Variants in USP47 observed in about 807,000 individuals in gnomAD.
USP47 encodes the protein ubiquitin specific peptidase 47.
USP47 carries 35 observed loss-of-function variants against 165.1 expected under a neutral mutation model. The ratio of observed to expected loss-of-function variants is 0.21; its 90% CI spans 0.16 to 0.28. USP47 has a LOEUF of 0.28. Among genes scored for constraint, USP47 ranks in the 10% least tolerant of loss-of-function variants. USP47 has a pLI of 1.00. For synonymous variants in USP47, 531 were observed against 544.5 expected (o/e 0.98, Z 0.35); for missense variants, 1,277 against 1,607.4 (o/e 0.79, Z 3.52).
At chr11:11,891,345 A>G (rs540263721) in intron 3 of USP47, among the ~76,000 whole-genome samples, 4 of 152,316 alleles carry the variant, frequency 2.6e-5, no homozygotes, top group African/African-American at 7.2e-5. Flanking sequence ...CTGTCTGGAT[A>G]CTAGACAGTA....
Position 11,942,573 on chromosome 11 carries a change from C to G in USP47, c.2552C>G (p.Ala851Gly). The G allele has an allele frequency of 6.2e-7, 1 of 1,613,448 alleles. No homozygotes were observed. The highest frequency in any genetic ancestry group is 1.3e-5 in the African/African-American group (1 of 74,972). ...GTAGGAAGCCTAAAGTCTGTGGAAG[C>G]TATTCTAGAAGAAAGCACTGAAAAA... The part of the protein sequence containing the change: ...GPVGSLKSVE[A>G]ILEESTEKLK... The change falls in exon 20 of 28, where the codon GCT becomes GGT. Residue 851 changes from alanine (A) to glycine (G), a missense_variant. By Grantham distance (60) the Ala-to-Gly change is moderately conservative. Coordinates refer to ENST00000527733, the MANE Select transcript of USP47 (RefSeq NM_001282659.2).
chr11:11,948,722 A>T (rs1856017533), intron 22 of USP47, 164 bp downstream of exon 22: 2 of 580,998 alleles, frequency 3.4e-6, no homozygotes, highest in Non-Finnish European at 6.2e-6. Flanking sequence ...GCAGTTACTC[A>T]CTTCTGCTAT....
intron 1 of USP47, among the ~76,000 whole-genome samples, chr11:11,846,743 ACTT>A (rs555935449): frequency 5.4e-4 from 82 of 152,266 alleles, no homozygotes; most frequent in African/African-American, 1.9e-3. Context: ...CTATTGTCTG[ACTT>A]CTTATAAAAT....
chr11:11,886,514 T>C (rs1385643674), intron 3 of USP47, among the ~76,000 whole-genome samples: 1 of 151,946 alleles, frequency 6.6e-6, no homozygotes, highest in South Asian at 2.1e-4. Flanking sequence ...ACTGTCTTTC[T>C]GAAATAAGAC....
rs1233967842 is a variant in USP47, at chr11:11,961,349, G to A, written c.*5174G>A. Reference sequence around the variant, plus strand: ...TGGGAAGATTATTCTGGATTATCTAGGTGGGCGCAATTTGATCACATGGGT... The same window carrying A: ...TGGGAAGATTATTCTGGATTATCTAAGTGGGCGCAATTTGATCACATGGGT... On this transcript the variant is annotated 3_prime_UTR_variant, in exon 28 of 28. Transcript: ENST00000527733. Among the ~76,000 whole-genome samples, 1 of 152,196 alleles carries A rather than the reference G, an allele frequency of 6.6e-6. No homozygotes were observed. The highest frequency in any genetic ancestry group is 1.5e-5 in the Non-Finnish European group (1 of 68,046).
chr11:11,923,448 A>G (rs952850252), intron 11 of USP47, among the ~76,000 whole-genome samples: 3 of 152,074 alleles, frequency 2.0e-5, no homozygotes, highest in Non-Finnish European at 4.4e-5. Context: ...GAAAAATGGT[A>G]TAGTTCTATG....
Position 11,897,649 on chromosome 11 carries a change from G to C in USP47, c.549G>C (p.Leu183Phe). ...TGACTTGCTATTTGAATAGCCTTTT[G>C]CAAACACTTTTTATGACTCCTGAAT... The part of the protein sequence containing the change: ...QAMTCYLNSL[L>F]QTLFMTPEFR... Residue 183 changes from leucine to phenylalanine, a missense_variant, in exon 5 of 28, where the codon TTG becomes TTC. Physicochemically the swap from Leu to Phe is conservative, Grantham distance 22. This residue lies in a region of USP47 where 12 missense variants were observed against 48.8 expected (regional missense o/e 0.25). Transcript: ENST00000527733. The C allele has an allele frequency of 5.6e-6, 9 of 1,611,252 alleles. No individual in the cohort carries two copies. Among genetic ancestry groups the C allele is most frequent in the Non-Finnish European group, 7.6e-6 (9 of 1,178,450 alleles).
chr11:11,880,460 G>A, intron 2 of USP47, 80 bp downstream of exon 2: 1 of 1,118,264 alleles, frequency 8.9e-7, no homozygotes, highest in South Asian at 4.0e-5. Context: ...GTTAAATCCT[G>A]GAACTCTTAA....
intron 1 of USP47, among the ~76,000 whole-genome samples, chr11:11,860,095 A>G (rs1849290507): frequency 6.6e-6 from 1 of 150,400 alleles, no homozygotes; most frequent in Admixed American, 6.6e-5. Context: ...CAGAAGGAAA[A>G]AAAAAAAAGA....
At chr11:11,890,584 T>C (rs1426946983) in intron 3 of USP47, among the ~76,000 whole-genome samples, 1 of 151,892 alleles carries the variant, frequency 6.6e-6, no homozygotes, top group Admixed American at 6.6e-5. Flanking sequence ...AGTTCAATCA[T>C]TGTGGAAAAT....
intron 7 of USP47, 25 bp downstream of exon 7, chr11:11,903,367 G>A: frequency 6.3e-7 from 1 of 1,592,208 alleles, no homozygotes; most frequent in Non-Finnish European, 8.6e-7. Flanking sequence ...TCAAATCAAG[G>A]GGACTGTTTC....
At chr11:11,903,443 A>G in intron 7 of USP47, 101 bp downstream of exon 7, 1 of 1,092,468 alleles carries the variant, frequency 9.2e-7, no homozygotes, top group South Asian at 1.7e-5. Flanking sequence ...CTTGGGCATT[A>G]GTCTCATGGT....
At chr11:11,920,606 TG>T in intron 10 of USP47, 112 bp downstream of exon 10, 1 of 972,544 alleles carries the variant, frequency 1.0e-6, no homozygotes. Context: ...GTCTTCTTGA[TG>T]GAAACTTTTT....
intron 11 of USP47, among the ~76,000 whole-genome samples, chr11:11,926,679 T>G (rs1345490034): frequency 6.6e-6 from 1 of 151,916 alleles, no homozygotes; most frequent in Non-Finnish European, 1.5e-5. Context: ...TTTATTTCCT[T>G]CCTTCTGCTA....
chr11:11,915,707 T>C (rs1489065695), intron 8 of USP47, among the ~76,000 whole-genome samples: 1 of 152,140 alleles, frequency 6.6e-6, no homozygotes, highest in African/African-American at 2.4e-5. Context: ...TAGGTAAAAG[T>C]ATATAGGCCT....
At chr11:11,863,669 A>G (rs1298925685) in intron 1 of USP47, among the ~76,000 whole-genome samples, 1 of 152,192 alleles carries the variant, frequency 6.6e-6, no homozygotes, top group Non-Finnish European at 1.5e-5. Flanking sequence ...AATTTTCAGA[A>G]TACCTACAAA....
rs747880890 is a variant in USP47, at chr11:11,948,096, T to A, written c.3243T>A (p.Leu1081=). 6.2e-7 allele frequency: 1 copy of A among 1,610,822 alleles called. No homozygotes were observed. The highest frequency in any genetic ancestry group is 1.1e-5 in the South Asian group (1 of 90,126). Residue 1081 remains leucine, a synonymous_variant, in exon 21 of 28, where the codon CTT becomes CTA. Coordinates refer to ENST00000527733, the MANE Select transcript of USP47 (RefSeq NM_001282659.2). ...EFESVRLNET[L]SSFSDDNKIT... ...AGAGCGTCCGGCTGAATGAGACACTTTCATCATTTTCTGATGACAATAAGG... is the reference window on the plus strand; with the variant it reads ...AGAGCGTCCGGCTGAATGAGACACTATCATCATTTTCTGATGACAATAAGG...
In USP47 at chr11:11,960,362, G is replaced by A. The variant is rs1847398635; in HGVS notation, c.*4187G>A. Among the ~76,000 whole-genome samples, 1 of 152,168 alleles carries A rather than the reference G, an allele frequency of 6.6e-6. No homozygotes were observed. The highest frequency in any genetic ancestry group is 1.5e-5 in the Non-Finnish European group (1 of 68,028). Reference sequence around the variant, plus strand: ...TTGTAGACATGAAGGTAGATGCCCTGCAGGTCCTATCAGCAAAGGACCCAA... The same window carrying A: ...TTGTAGACATGAAGGTAGATGCCCTACAGGTCCTATCAGCAAAGGACCCAA... On this transcript the variant is annotated 3_prime_UTR_variant, in exon 28 of 28. Coordinates refer to ENST00000527733, the MANE Select transcript of USP47 (RefSeq NM_001282659.2).
chr11:11,918,394 C>T (rs921015693), intron 8 of USP47, among the ~76,000 whole-genome samples: 1 of 152,016 alleles, frequency 6.6e-6, no homozygotes, highest in African/African-American at 2.4e-5. Context: ...GAGAGAAATA[C>T]ATTGTTAAGG....
Sources: gnomAD v4.1 joint callset for allele counts (sites outside exome capture counted in the v4.1 genomes callset) on GRCh38, gnomAD v4.1.1 for gene constraint, gnomAD v4.1.1 regional missense constraint, MANE v1.5 for transcripts, NCBI Gene and HGNC (gene_info 2026-07-23, HGNC 2026-07-21) for gene names.